The following SOX5 variants were observed in gnomAD, a reference collection of about 807,000 sequenced individuals.
The protein encoded by SOX5 is transcription factor SOX-5.
A neutral mutation model predicts 92.0 loss-of-function variants in SOX5; 9 were observed. The observed-to-expected ratio is 0.10, with a 90% CI of 0.06 to 0.17. The LOEUF (loss-of-function observed/expected upper bound fraction) is 0.17, where lower values mean the gene tolerates loss of function less well. Ranked by LOEUF, SOX5 falls within the 10% of genes least tolerant of loss-of-function variation. The probability of loss-of-function intolerance (pLI) is 1.00; values close to 1 mark genes in which losing one functional copy is unlikely to be tolerated. For synonymous variants in SOX5, 344 were observed against 336.3 expected (o/e 1.02, Z -0.25); for missense variants, 642 against 944.5 (o/e 0.68, Z 4.20).
intron 4 of SOX5, among the ~76,000 whole-genome samples, chr12:23,997,886 G>A (rs899117917): frequency 3.3e-5 from 5 of 152,106 alleles, no homozygotes; most frequent in African/African-American, 1.2e-4. Flanking sequence ...AGACAACATA[G>A]AATTTCCAAA....
intron 1 of SOX5, among the ~76,000 whole-genome samples, chr12:23,949,295 G>GGAGA (rs143067474): frequency 6.6e-6 from 1 of 151,932 alleles, no homozygotes; most frequent in African/African-American, 2.4e-5. Flanking sequence ...AGCGAGTTGG[G>GGAGA]GAGAGAGAGA....
chr12:23,732,018 CAAAT>C (rs1212471413), intron 6 of SOX5, among the ~76,000 whole-genome samples: 2 of 152,178 alleles, frequency 1.3e-5, no homozygotes, highest in East Asian at 1.9e-4. Flanking sequence ...TTTCAAATAT[CAAAT>C]AAGATAATCT....
chr12:23,805,374 G>A (rs2095751137), intron 3 of SOX5, among the ~76,000 whole-genome samples: 1 of 151,798 alleles, frequency 6.6e-6, no homozygotes, highest in South Asian at 2.1e-4. Context: ...TTGGTAAATA[G>A]AGTAGTTGCA....
intron 4 of SOX5, among the ~76,000 whole-genome samples, chr12:24,123,666 C>T (rs573899615): frequency 4.6e-5 from 7 of 152,184 alleles, no homozygotes; most frequent in Non-Finnish European, 8.8e-5. Context: ...AAGATATACA[C>T]CTTTCTTCTT....
chr12:23,935,629 GTA>G (rs1245532771), intron 1 of SOX5, among the ~76,000 whole-genome samples: 1 of 151,064 alleles, frequency 6.6e-6, no homozygotes, highest in African/African-American at 2.4e-5. Flanking sequence ...TTACGTAAGT[GTA>G]TATATGCCTG....
At chr12:24,415,525 T>C (rs1964874190) in intron 1 of SOX5, among the ~76,000 whole-genome samples, 1 of 152,194 alleles carries the variant, frequency 6.6e-6, no homozygotes, top group African/African-American at 2.4e-5. Context: ...TCCCCTCAGC[T>C]GATAAAGAAT....
intron 9 of SOX5, among the ~76,000 whole-genome samples, chr12:23,592,516 C>A (rs1951713665): frequency 6.6e-6 from 1 of 152,120 alleles, no homozygotes. Flanking sequence ...CAAGGAGATT[C>A]AGGACTAGAA....
chr12:24,362,712 G>A (rs1033335123), intron 2 of SOX5, among the ~76,000 whole-genome samples: 3 of 152,046 alleles, frequency 2.0e-5, no homozygotes, highest in African/African-American at 7.2e-5. Flanking sequence ...TAACCTGGCT[G>A]GTCAGTTATA....
chr12:23,571,679 T>C (rs1470391120), intron 10 of SOX5, among the ~76,000 whole-genome samples: 3 of 152,174 alleles, frequency 2.0e-5, no homozygotes, highest in African/African-American at 4.8e-5. Flanking sequence ...CTGGATAAGT[T>C]ACTAGATTTT....
chr12:23,860,019 A>G (rs534445431), intron 2 of SOX5, among the ~76,000 whole-genome samples: 1 of 152,346 alleles, frequency 6.6e-6, no homozygotes, highest in East Asian at 1.9e-4. Flanking sequence ...ACTGGAGGCT[A>G]TCACTGTTAG....
At chr12:24,064,922 C>A (rs1007157528) in intron 4 of SOX5, among the ~76,000 whole-genome samples, 3 of 152,064 alleles carry the variant, frequency 2.0e-5, no homozygotes, top group African/African-American at 7.2e-5. Context: ...AGGCTATCAG[C>A]CAAAGAAAGT....
intron 2 of SOX5, among the ~76,000 whole-genome samples, chr12:23,895,178 A>G (rs541192085): frequency 3.5e-5 from 5 of 143,008 alleles, no homozygotes; most frequent in Admixed American, 2.2e-4. Context: ...CAGAGGATTT[A>G]TCCAGAGTTG....
At chr12:23,921,313 G>A (rs1001907280) in intron 1 of SOX5, among the ~76,000 whole-genome samples, 4 of 151,530 alleles carry the variant, frequency 2.6e-5, no homozygotes, top group South Asian at 2.1e-4. Context: ...CACAATGTAC[G>A]CCCTATGAAA....
intron 2 of SOX5, chr12:24,368,173 C>A (rs942189528): frequency 1.3e-5 from 2 of 152,104 alleles, no homozygotes; most frequent in African/African-American, 2.4e-5. Flanking sequence ...CAATAAAAAG[C>A]AGAAGAGTCA....
intron 9 of SOX5, 91 bp from the exon 10 acceptor site, chr12:23,575,929 T>A (rs755630290): frequency 2.2e-6 from 2 of 910,172 alleles, no homozygotes; most frequent in South Asian, 1.8e-5. Flanking sequence ...TCATTTCCCA[T>A]CAAATTACTC....
chr12:24,055,239 C>T (rs962244553), intron 4 of SOX5, among the ~76,000 whole-genome samples: 1 of 152,174 alleles, frequency 6.6e-6, no homozygotes, highest in Non-Finnish European at 1.5e-5. Context: ...GCTTCTACTT[C>T]CAAAAACTCC....
intron 9 of SOX5, among the ~76,000 whole-genome samples, chr12:23,587,670 T>C (rs1950939926): frequency 6.6e-6 from 1 of 152,048 alleles, no homozygotes; most frequent in African/African-American, 2.4e-5. Flanking sequence ...GTATTCATAA[T>C]CCTAAAATTT....
At chr12:24,351,357 C>A (rs142585038) in intron 2 of SOX5, among the ~76,000 whole-genome samples, 1 of 152,116 alleles carries the variant, frequency 6.6e-6, no homozygotes, top group Non-Finnish European at 1.5e-5. Context: ...AGAACAGACA[C>A]GTAAATTATC....
intron 9 of SOX5, among the ~76,000 whole-genome samples, chr12:23,583,577 C>T (rs1950328906): frequency 6.6e-6 from 1 of 152,006 alleles, no homozygotes. Context: ...TTATTTTGTC[C>T]TATAGTGTTC....
Sources: gnomAD v4.1 joint callset for allele counts (sites outside exome capture counted in the v4.1 genomes callset) on GRCh38, gnomAD v4.1.1 for gene constraint, MANE v1.5 for transcripts, NCBI Gene and HGNC (gene_info 2026-07-23, HGNC 2026-07-21) for gene names.